The following CEP112 variants were observed in gnomAD, a reference collection of about 807,000 sequenced individuals.
The protein encoded by CEP112 is centrosomal protein of 112 kDa.
A neutral mutation model predicts 153.0 loss-of-function variants in CEP112; 127 were observed. That is an observed-to-expected ratio of 0.83 (90% CI 0.72 to 0.96). The LOEUF (loss-of-function observed/expected upper bound fraction) is 0.96, where lower values mean the gene tolerates loss of function less well. Ranked by LOEUF, CEP112 falls within the 40% of genes least tolerant of loss-of-function variation. The pLI is 0.00. For synonymous variants in CEP112, 358 were observed against 374.4 expected, an observed-to-expected ratio of 0.96 and a Z score of 0.51; for missense variants, 1,089 against 1,101.2, an observed-to-expected ratio of 0.99 and a Z score of 0.16.
At chr17:65,937,556 G>A (rs1244394485) in intron 18 of CEP112, among the ~76,000 whole-genome samples, 898 of 77,110 alleles carry the variant, frequency 0.012, no homozygotes, top group East Asian at 0.07. Context: ...CGCCCCGTCC[G>A]GGAGGGAGGT....
intron 17 of CEP112, among the ~76,000 whole-genome samples, chr17:65,969,762 A>G (rs2062580180): frequency 6.6e-6 from 1 of 152,234 alleles, no homozygotes; most frequent in Non-Finnish European, 1.5e-5. Flanking sequence ...TGCTTATTAC[A>G]TGTAAATCAC....
chr17:65,678,198 C>A (rs908680076), intron 24 of CEP112, among the ~76,000 whole-genome samples: 1 of 151,758 alleles, frequency 6.6e-6, no homozygotes, highest in African/African-American at 2.4e-5. Flanking sequence ...TACCTGTTCA[C>A]TGAATTCTAT....
At chr17:65,659,719 T>C (rs746415719) in intron 24 of CEP112, among the ~76,000 whole-genome samples, 7 of 152,246 alleles carry the variant, frequency 4.6e-5, no homozygotes, top group Non-Finnish European at 1.0e-4. Flanking sequence ...GTCATCAAAA[T>C]ACTTCCTTTA....
At chr17:65,646,780 C>T (rs543213529) in intron 24 of CEP112, among the ~76,000 whole-genome samples, 4 of 152,300 alleles carry the variant, frequency 2.6e-5, no homozygotes, top group African/African-American at 7.2e-5. Context: ...TTTGCTACCA[C>T]GCTCTAGTGC....
chr17:65,897,104 A>G (rs911031552), intron 20 of CEP112, among the ~76,000 whole-genome samples: 1 of 152,082 alleles, frequency 6.6e-6, no homozygotes, highest in Non-Finnish European at 1.5e-5. Flanking sequence ...ACACCAGGCC[A>G]CCACTCTGAT....
intron 20 of CEP112, among the ~76,000 whole-genome samples, chr17:65,854,477 G>C (rs1000529678): frequency 2.0e-5 from 3 of 152,118 alleles, no homozygotes; most frequent in Admixed American, 6.6e-5. Flanking sequence ...CACTAGACTG[G>C]AAAAGACATC....
chr17:66,189,685 A>G lies in CEP112; in HGVS notation c.-9+2312T>C, dbSNP rs2073090124. ...TCCAAAAAAATAAAGAAATGGAAAA[A>G]GAAACAAAAAAACTAACATTTCAAA... On this transcript the variant is annotated intron_variant, in intron 1 of 26. Transcript: ENST00000535342. 3.3e-5 allele frequency among the ~76,000 whole-genome samples: 5 copies of G among 152,302 alleles called. No homozygotes were observed. In the South Asian group the frequency reaches 1.0e-3, roughly 32 times the overall value.
chr17:66,117,570 A>G (rs1212646392), intron 6 of CEP112, among the ~76,000 whole-genome samples: 1 of 152,200 alleles, frequency 6.6e-6, no homozygotes, highest in Non-Finnish European at 1.5e-5. Flanking sequence ...CCAAGAAAAC[A>G]GTTCTGTTGG....
chr17:65,658,562 G>A lies in CEP112; in HGVS notation c.2698-17497C>T, dbSNP rs2046179875. ...TGGGTGTAAGCAGGACACAAGGTAT[G>A]TTTGGGGGTTTGCATTTACTTAGTT... On this transcript the variant is annotated intron_variant, in intron 24 of 26. Coordinates refer to ENST00000535342, the MANE Select transcript of CEP112 (RefSeq NM_001199165.4). Among the ~76,000 whole-genome samples, 16 of 152,168 alleles carry A rather than the reference G, an allele frequency of 1.1e-4. No homozygotes were observed. In the South Asian group the frequency reaches 3.3e-3, roughly 32 times the overall value.
intron 4 of CEP112, among the ~76,000 whole-genome samples, chr17:66,146,838 G>C (rs1198549196): frequency 6.6e-6 from 1 of 152,074 alleles, no homozygotes; most frequent in Non-Finnish European, 1.5e-5. Context: ...CATGTGACAA[G>C]ACTTTCTTCC....
At chr17:65,912,919 G>A (rs2060341594) in intron 19 of CEP112, among the ~76,000 whole-genome samples, 1 of 152,002 alleles carries the variant, frequency 6.6e-6, no homozygotes. Flanking sequence ...GTTTTATTAG[G>A]TTGGTGCAAA....
At chr17:65,641,795 C>T (rs532448168) in intron 24 of CEP112, among the ~76,000 whole-genome samples, 2 of 152,080 alleles carry the variant, frequency 1.3e-5, no homozygotes, top group South Asian at 4.1e-4. Flanking sequence ...GTAGTTGGGG[C>T]ACTAAATGTG....
At chr17:66,015,470 T>C (rs2064729465) in intron 16 of CEP112, among the ~76,000 whole-genome samples, 1 of 152,222 alleles carries the variant, frequency 6.6e-6, no homozygotes, top group South Asian at 2.1e-4. Context: ...AAAAAGAATA[T>C]CCTAGTGATA....
At chr17:66,071,082 T>C (rs958672222) in intron 8 of CEP112, among the ~76,000 whole-genome samples, 2 of 152,202 alleles carry the variant, frequency 1.3e-5, no homozygotes, top group African/African-American at 4.8e-5. Context: ...TCAAAATATT[T>C]TCTTGAAAAT....
In CEP112 at chr17:66,004,988, T is replaced by A. The variant is rs985858229; in HGVS notation, c.1736+702A>T. On this transcript the variant is annotated intron_variant, in intron 17 of 26. Coordinates refer to ENST00000535342, the MANE Select transcript of CEP112 (RefSeq NM_001199165.4). ...ATTCTGTACCAAATTGCCAAATGTC[T>A]TGAATATTTCTCCAACTAGACTATA... Among the ~76,000 whole-genome samples, 8 of 152,340 alleles carry A rather than the reference T, an allele frequency of 5.3e-5. No individual in the cohort carries two copies. The East Asian group carries it at 9.7e-4, about 18-fold the overall frequency.
intron 23 of CEP112, among the ~76,000 whole-genome samples, chr17:65,699,663 A>T (rs1176895861): frequency 6.6e-6 from 1 of 152,084 alleles, no homozygotes; most frequent in East Asian, 1.9e-4. Flanking sequence ...TATGTTGCCC[A>T]GGCCGGAGTG....
chr17:65,951,743 G>T lies in CEP112; in HGVS notation c.1872+9720C>A, dbSNP rs115905370. Among the ~76,000 whole-genome samples the T allele has an allele frequency of 6.4e-5, 5 of 78,350 alleles. 1 individual carries two copies. The highest frequency in any genetic ancestry group is 1.0e-4 in the Non-Finnish European group (4 of 39,686). 51.4% of individuals were successfully genotyped at this position (78,350 alleles called of 152,430 possible). On this transcript the variant is annotated intron_variant, in intron 18 of 26. Coordinates refer to ENST00000535342, the MANE Select transcript of CEP112 (RefSeq NM_001199165.4). ...TAGCTTTCTGCTCTAATCTTCCCCCGCCCCCCCCTTTCTTCCACTTGCTTA... is the reference window on the plus strand; with the variant it reads ...TAGCTTTCTGCTCTAATCTTCCCCCTCCCCCCCCTTTCTTCCACTTGCTTA...
intron 19 of CEP112, among the ~76,000 whole-genome samples, chr17:65,906,793 T>C (rs945417551): frequency 7.2e-5 from 11 of 152,218 alleles, no homozygotes; most frequent in Non-Finnish European, 1.0e-4. Context: ...TCATATTGTA[T>C]TGCTGTTATG....
At chr17:65,661,179 G>A (rs369004971) in intron 24 of CEP112, among the ~76,000 whole-genome samples, 8 of 151,956 alleles carry the variant, frequency 5.3e-5, no homozygotes, top group East Asian at 3.9e-4. Context: ...GCTCCTCTGC[G>A]CCCTTCCTTC....
Sources: allele counts gnomAD v4.1 joint callset (sites outside exome capture counted in the v4.1 genomes callset), GRCh38; gene constraint gnomAD v4.1.1; transcripts MANE v1.5; gene names NCBI Gene and HGNC (gene_info 2026-07-23, HGNC 2026-07-21).